KRCC1: variants seen among roughly 807,000 people sequenced by gnomAD.
The protein encoded by KRCC1 is lysine rich coiled-coil 1, also known as lysine-rich coiled-coil protein 1.
KRCC1 carries 3 observed loss-of-function variants against 7.4 expected under a neutral mutation model. That is an observed-to-expected ratio of 0.40 (90% CI 0.18 to 1.04). The LOEUF (loss-of-function observed/expected upper bound fraction) is 1.04. Ranked by LOEUF, KRCC1 falls within the 50% of genes least tolerant of loss-of-function variation. The pLI, the probability that KRCC1 is intolerant of heterozygous loss-of-function variation, is 0.33. For missense variants in KRCC1, 277 were observed against 300.9 expected (o/e 0.92, Z 0.59); for synonymous variants, 102 against 101.6 (o/e 1.00, Z -0.02).
intron 3 of KRCC1, among the ~76,000 whole-genome samples, chr2:88,033,652 A>G (rs1017833442): frequency 3.3e-5 from 5 of 152,236 alleles, no homozygotes; most frequent in Non-Finnish European, 5.9e-5. Context: ...TTGGTAATAA[A>G]AAGATTTTAC....
At chr2:88,034,421 G>C (rs1361982613) in intron 2 of KRCC1, 129 bp from the exon 3 acceptor site, 2 of 152,022 alleles carry the variant, frequency 1.3e-5, no homozygotes, top group Non-Finnish European at 2.9e-5. Context: ...TTATAAATCT[G>C]AAAATAAACC....
Position 88,028,137 on chromosome 2 carries a change from C to A in KRCC1, c.427G>T (p.Asp143Tyr), listed in dbSNP as rs745647817. 9 of 1,614,040 alleles carry A rather than the reference C, an allele frequency of 5.6e-6. No homozygotes were observed. The highest frequency in any genetic ancestry group is 1.6e-4 in the Middle Eastern group (1 of 6,062). The change falls in exon 4 of 4, where the codon GAT (aspartate) becomes TAT (tyrosine). Residue 143 changes from aspartate to tyrosine, a missense_variant. Asp to Tyr is a radical substitution (Grantham distance 160, BLOSUM62 -3). Transcript: ENST00000347055. ...GCTTGATGAGTACTGGTACTGTTAT[C>A]TGAGGAGAAGTGCTTGTAAACTCTA... is the stretch of plus-strand genomic sequence containing the variant. The part of the protein sequence containing the change: ...EHRVYKHFSS[D>Y]NSTSTHQASH...
chr2:88,028,244 G>A lies in KRCC1; in HGVS notation c.320C>T (p.Thr107Met), dbSNP rs779719379. The A allele has an allele frequency of 9.3e-6, 15 of 1,614,162 alleles. No individual in the cohort carries two copies. The highest frequency in any genetic ancestry group is 6.7e-5 in the African/African-American group (5 of 75,046). Residue 107 changes from threonine to methionine, a missense_variant, in exon 4 of 4, where the codon ACG becomes ATG. Transcript: ENST00000347055. ...RLDSLSYCQF[T>M]RDCFSEKPVP... ...TGGTTTTTCTGAGAAACAGTCCCTC[G>A]TGAACTGACAGTAGCTCAGAGAGTC...
intron 2 of KRCC1, among the ~76,000 whole-genome samples, chr2:88,035,240 AT>A (rs1363756374): frequency 3.9e-5 from 6 of 152,196 alleles, no homozygotes; most frequent in Admixed American, 3.9e-4. Context: ...CTTCCAATAC[AT>A]TTTTTTCTTC....
chr2:88,049,783 G>A (rs946148326), intron 1 of KRCC1, among the ~76,000 whole-genome samples: 1 of 152,170 alleles, frequency 6.6e-6, no homozygotes, highest in Non-Finnish European at 1.5e-5. Context: ...ACCTAATAAA[G>A]GCAGCAAGTC....
Position 88,027,385 on chromosome 2 carries a change from A to G in KRCC1, c.*399T>C, listed in dbSNP as rs1486650790. 1 of 160,554 alleles carries G rather than the reference A, an allele frequency of 6.2e-6. No individual in the cohort carries two copies. Among genetic ancestry groups the G allele is most frequent in the African/African-American group, 2.4e-5 (1 of 41,736 alleles). 9.9% of individuals were successfully genotyped at this position (160,554 alleles called of 1,614,324 possible). On this transcript the variant is annotated 3_prime_UTR_variant, in exon 4 of 4. Coordinates refer to ENST00000347055, the MANE Select transcript of KRCC1 (RefSeq NM_016618.3). ...ATAAAGGAGAAAAAAATTGCTTCAC[A>G]GAGAAAAACCAATGAACATAAAATA... is the stretch of plus-strand genomic sequence containing the variant.
At position 88,027,935 on chromosome 2, in the gene KRCC1, C is replaced by G; in HGVS notation, c.629G>C (p.Ser210Thr). 6.2e-7 allele frequency: 1 copy of G among 1,613,886 alleles called. No homozygotes were observed. Among genetic ancestry groups the G allele is most frequent in the Non-Finnish European group, 8.5e-7 (1 of 1,179,984 alleles). ...TEVEIETVHV[S>T]TEKLKNRKEK... ...CTTTCGATTCTTAAGCTTTTCTGTA[C>G]TGACATGTACGGTTTCTATTTCCAC... The change falls in exon 4 of 4, where the codon AGT becomes ACT. Residue 210 changes from serine to threonine, a missense_variant. Coordinates refer to ENST00000347055, the MANE Select transcript of KRCC1 (RefSeq NM_016618.3).
intron 1 of KRCC1, among the ~76,000 whole-genome samples, chr2:88,054,536 A>G (rs1393348249): frequency 2.0e-5 from 3 of 152,156 alleles, no homozygotes; most frequent in Admixed American, 6.5e-5. Context: ...GTGGGAGGAT[A>G]GTATTTTATC....
intron 3 of KRCC1, 97 bp from the exon 4 acceptor site, chr2:88,028,682 C>T (rs1672933314): frequency 1.4e-6 from 1 of 706,032 alleles, no homozygotes; most frequent in Non-Finnish European, 2.2e-6. Context: ...TGGCGTCTCG[C>T]CCTGTCGCCC....
chr2:88,044,863 A>ATTTT (rs11302450), intron 1 of KRCC1, among the ~76,000 whole-genome samples: 1 of 105,880 alleles, frequency 9.4e-6, no homozygotes, highest in East Asian at 2.9e-4. Flanking sequence ...GAGTTTGATA[A>ATTTT]TTTTTTTTTT....
intron 1 of KRCC1, among the ~76,000 whole-genome samples, chr2:88,045,837 T>C (rs6547748): frequency 0.9 from 137,183 of 151,662 alleles, 62,413 homozygotes; most frequent in East Asian, 1. Context: ...GCATGAGACA[T>C]CATGCCCAAT....
chr2:88,044,731 C>T (rs918666128), intron 1 of KRCC1, among the ~76,000 whole-genome samples: 89 of 152,120 alleles, frequency 5.9e-4, no homozygotes, highest in Non-Finnish European at 2.5e-4. Context: ...TACCACTACA[C>T]TCTCACTAGA....
intron 1 of KRCC1, among the ~76,000 whole-genome samples, chr2:88,042,942 A>G (rs960153658): frequency 6.6e-6 from 1 of 152,224 alleles, no homozygotes; most frequent in African/African-American, 2.4e-5. Context: ...AATTAGAAAG[A>G]TATTAATAAC....
chr2:88,036,569 TA>T (rs1224183369), intron 2 of KRCC1, among the ~76,000 whole-genome samples: 1 of 152,220 alleles, frequency 6.6e-6, no homozygotes, highest in African/African-American at 2.4e-5. Flanking sequence ...TATTATGTTG[TA>T]ACCTTTGATT....
intron 1 of KRCC1, among the ~76,000 whole-genome samples, chr2:88,040,595 A>C (rs1254389516): frequency 6.6e-6 from 1 of 152,236 alleles, no homozygotes; most frequent in Non-Finnish European, 1.5e-5. Context: ...AAATTAAAAT[A>C]TGTTGCCACA....
chr2:88,055,595 G>A (rs1673604475), intron 1 of KRCC1, 31 bp downstream of exon 1: 1 of 152,258 alleles, frequency 6.6e-6, no homozygotes, highest in Non-Finnish European at 1.5e-5. Context: ...CTGAAGACCG[G>A]GCCGCCCCCG....
chr2:88,052,582 AG>A (rs76001069), intron 1 of KRCC1, among the ~76,000 whole-genome samples: 9,985 of 152,082 alleles, frequency 0.066, 735 homozygotes, highest in East Asian at 0.21. Context: ...CAACTGCGTA[AG>A]TGAATAGTGA....
intron 3 of KRCC1, among the ~76,000 whole-genome samples, chr2:88,031,309 A>T (rs1286395138): frequency 6.6e-6 from 1 of 151,842 alleles, no homozygotes; most frequent in Admixed American, 6.6e-5. Context: ...AGCTTTTCAT[A>T]AAAAAGTTTA....
intron 3 of KRCC1, among the ~76,000 whole-genome samples, 190 bp downstream of exon 3, chr2:88,033,944 C>T (rs912027276): frequency 5.3e-5 from 8 of 152,150 alleles, no homozygotes; most frequent in African/African-American, 1.9e-4. Flanking sequence ...CAATGCCCAT[C>T]AACTGATAAA....
Sources: gnomAD v4.1 joint callset for allele counts (sites outside exome capture counted in the v4.1 genomes callset) on GRCh38, gnomAD v4.1.1 for gene constraint, MANE v1.5 for transcripts, NCBI Gene and HGNC (gene_info 2026-07-23, HGNC 2026-07-21) for gene names.